The following ANK3 variants were observed in gnomAD, a reference collection of about 807,000 sequenced individuals.
ANK3 encodes the protein ankyrin-3.
A neutral mutation model predicts 370.9 loss-of-function variants in ANK3; 57 were observed. The ratio of observed to expected loss-of-function variants is 0.15; its 90% confidence interval spans 0.12 to 0.19. ANK3 has a LOEUF of 0.19. ANK3 is among the 10% of genes least tolerant of loss of function. ANK3 has a pLI of 1.00. For missense variants in ANK3, 4,439 were observed against 5,302.1 expected, an observed-to-expected ratio of 0.84 and a Z score of 5.06; for synonymous variants, 1,929 against 1,946.3, an observed-to-expected ratio of 0.99 and a Z score of 0.23.
At chr10:60,078,877 C>T (rs961742249) in intron 36 of ANK3, among the ~76,000 whole-genome samples, 10 of 152,138 alleles carry the variant, frequency 6.6e-5, no homozygotes, top group South Asian at 2.1e-4. Context: ...TCCTCTTCTA[C>T]CAAAAGTCCA....
rs112278749 is a variant in ANK3, at chr10:60,711,181, T to G, written c.57+22082A>C. Among the ~76,000 whole-genome samples, 1,247 of 152,214 alleles carry G rather than the reference T, an allele frequency of 8.2e-3. 11 individuals are homozygous for G. Among genetic ancestry groups the G allele is most frequent in the Non-Finnish European group, 0.014 (959 of 67,992 alleles). On this transcript the variant is annotated intron_variant, in intron 1 of 43. Coordinates refer to the ANK3 transcript ENST00000373827. ...GATGGGTAATGTAAGCAGAGAGATG[T>G]AAACTCTAAGAGAGAATCAAATGGA...
At chr10:60,389,086 C>G (rs547626356) in intron 1 of ANK3, among the ~76,000 whole-genome samples, 1 of 152,068 alleles carries the variant, frequency 6.6e-6, no homozygotes, top group Non-Finnish European at 1.5e-5. Flanking sequence ...CCCAAGTCAC[C>G]GCAGTGCATT....
At chr10:60,179,762 C>T (rs1302908657) in intron 18 of ANK3, among the ~76,000 whole-genome samples, 3 of 151,746 alleles carry the variant, frequency 2.0e-5, no homozygotes, top group Non-Finnish European at 4.4e-5. Context: ...AGTCCTGAGA[C>T]TCGTACATCG....
At chr10:60,199,190 C>T (rs1007332954) in intron 13 of ANK3, among the ~76,000 whole-genome samples, 9 of 152,196 alleles carry the variant, frequency 5.9e-5, no homozygotes, top group African/African-American at 1.9e-4. Context: ...AAGTGGGAGG[C>T]GCAAATCATC....
At chr10:60,413,749 C>T (rs1452300032) in intron 2 of ANK3, among the ~76,000 whole-genome samples, 1 of 152,138 alleles carries the variant, frequency 6.6e-6, no homozygotes, top group African/African-American at 2.4e-5. Flanking sequence ...AATCCCAGCA[C>T]TTTGAGAGGC....
At chr10:60,302,503 T>C (rs555010779) in intron 1 of ANK3, among the ~76,000 whole-genome samples, 23 of 152,314 alleles carry the variant, frequency 1.5e-4, no homozygotes, top group African/African-American at 5.1e-4. Context: ...ACATACATTA[T>C]TTTAGTTCTC....
intron 1 of ANK3, among the ~76,000 whole-genome samples, chr10:60,286,028 A>G (rs1306635534): frequency 6.6e-6 from 1 of 152,188 alleles, no homozygotes; most frequent in African/African-American, 2.4e-5. Flanking sequence ...ATTTTTTAAA[A>G]AAAGTATTTA....
At chr10:60,290,963 T>A (rs1566308349) in intron 1 of ANK3, among the ~76,000 whole-genome samples, 1 of 152,204 alleles carries the variant, frequency 6.6e-6, no homozygotes, top group East Asian at 1.9e-4. Flanking sequence ...GTCTGTCCAC[T>A]ATGATCTGGT....
chr10:60,551,043 A>G (rs1018941562), intron 2 of ANK3, among the ~76,000 whole-genome samples: 1 of 152,124 alleles, frequency 6.6e-6, no homozygotes, highest in African/African-American at 2.4e-5. Flanking sequence ...CTTCAATTGC[A>G]TATTTTACCA....
At chr10:60,507,234 G>T (rs539976480) in intron 2 of ANK3, among the ~76,000 whole-genome samples, 12 of 152,098 alleles carry the variant, frequency 7.9e-5, no homozygotes, top group Admixed American at 5.2e-4. Context: ...TTGGTGGGGG[G>T]TATATATTTG....
At chr10:60,317,439 T>G (rs925371874) in intron 1 of ANK3, among the ~76,000 whole-genome samples, 3 of 152,160 alleles carry the variant, frequency 2.0e-5, no homozygotes, top group African/African-American at 4.8e-5. Flanking sequence ...TTGGATGCCT[T>G]TTTAAACTCC....
intron 2 of ANK3, among the ~76,000 whole-genome samples, chr10:60,558,547 C>T (rs1454269058): frequency 6.6e-6 from 1 of 152,168 alleles, no homozygotes; most frequent in East Asian, 1.9e-4. Context: ...CTCTTATATA[C>T]CACCCTATTC....
At chr10:60,146,330 C>T (rs10994221) in intron 23 of ANK3, among the ~76,000 whole-genome samples, 8,779 of 152,192 alleles carry the variant, frequency 0.058, 452 homozygotes, top group East Asian at 0.23. Flanking sequence ...TTCAGGGGTA[C>T]GTGTGCAGGT....
intron 1 of ANK3, among the ~76,000 whole-genome samples, chr10:60,693,796 G>A (rs2079397241): frequency 1.3e-5 from 2 of 152,154 alleles, no homozygotes. Flanking sequence ...CACAAAGATG[G>A]GGAAAAACAG....
chr10:60,341,206 A>G (rs1471217637), intron 1 of ANK3, among the ~76,000 whole-genome samples: 2 of 152,134 alleles, frequency 1.3e-5, no homozygotes, highest in Non-Finnish European at 2.9e-5. Flanking sequence ...GGACATTCTG[A>G]TTTCTTGAGA....
Position 60,082,753 on chromosome 10 carries a change from T to C in ANK3, c.4201-16A>G. ...TGTCTCTAATCTAGAAGAATTTTGG[T>C]AGTTGATGGTTATAGAATGAGACTT... On this transcript the variant is annotated splice_polypyrimidine_tract_variant and intron_variant, in intron 33 of 43. Coordinates refer to ENST00000280772, the MANE Select transcript of ANK3 (RefSeq NM_020987.5). 6.2e-7 allele frequency: 1 copy of C among 1,608,470 alleles called. No individual in the cohort carries two copies. The highest frequency in any genetic ancestry group is 1.1e-5 in the South Asian group (1 of 89,842).
chr10:60,276,738 T>C (rs576851591), intron 4 of ANK3, among the ~76,000 whole-genome samples: 2 of 152,328 alleles, frequency 1.3e-5, no homozygotes, highest in African/African-American at 2.4e-5. Context: ...ATAATGGATG[T>C]GATGTTTGAA....
At chr10:60,704,443 A>C (rs2079585425) in intron 1 of ANK3, among the ~76,000 whole-genome samples, 1 of 152,206 alleles carries the variant, frequency 6.6e-6, no homozygotes, top group African/African-American at 2.4e-5. Context: ...TTCTGAACGA[A>C]GTTTAGTGTA....
At chr10:60,269,095 C>A (rs182373265) in intron 5 of ANK3, among the ~76,000 whole-genome samples, 3 of 152,172 alleles carry the variant, frequency 2.0e-5, no homozygotes, top group Admixed American at 2.0e-4. Context: ...TAGGGATAAC[C>A]CTGCATCTGC....
Sources: allele counts gnomAD v4.1 joint callset (sites outside exome capture counted in the v4.1 genomes callset), GRCh38; gene constraint gnomAD v4.1.1; transcripts MANE v1.5; gene names NCBI Gene and HGNC (gene_info 2026-07-23, HGNC 2026-07-21).